DRC1: variants seen among roughly 807,000 people sequenced by gnomAD.
DRC1 encodes the protein dynein regulatory complex protein 1.
Under a neutral mutation model 98.7 loss-of-function variants are expected in DRC1, and 74 were observed. That is an observed-to-expected ratio of 0.75 (90% CI 0.62 to 0.91). The LOEUF is 0.91. Among genes scored for constraint, DRC1 ranks in the 40% least tolerant of loss-of-function variants. DRC1 has a pLI of 0.00. For missense variants in DRC1, 875 were observed against 886.0 expected (o/e 0.99, Z 0.16); for synonymous variants, 336 against 334.1 (o/e 1.01, Z -0.06).
intron 3 of DRC1, 33 bp from the exon 4 acceptor site, chr2:26,424,238 G>A: frequency 6.2e-7 from 1 of 1,612,286 alleles, no homozygotes; most frequent in Non-Finnish European, 8.5e-7. Flanking sequence ...ATCTGGAGCT[G>A]GGTTGGCATG....
chr2:26,417,344 C>G (rs1030336761), intron 2 of DRC1, among the ~76,000 whole-genome samples: 1 of 94,866 alleles, frequency 1.1e-5, no homozygotes, highest in Admixed American at 1.1e-4. Flanking sequence ...TTTTTTTTTT[C>G]TTCCGAAACA....
At chr2:26,428,480 T>A (rs1029311870) in intron 4 of DRC1, among the ~76,000 whole-genome samples, 11 of 152,184 alleles carry the variant, frequency 7.2e-5, no homozygotes, top group Non-Finnish European at 1.5e-4. Flanking sequence ...TATTTGTGTA[T>A]CTAAACAGAA....
chr2:26,440,638 A>G, intron 8 of DRC1, 121 bp downstream of exon 8: 1 of 1,280,420 alleles, frequency 7.8e-7, no homozygotes, highest in Non-Finnish European at 1.0e-6. Flanking sequence ...ACTTATTAAA[A>G]TAGTTTTTTG....
chr2:26,449,090 T>A (rs1299763383), intron 11 of DRC1, among the ~76,000 whole-genome samples: 1 of 152,256 alleles, frequency 6.6e-6, no homozygotes, highest in African/African-American at 2.4e-5. Flanking sequence ...AAAATGATGC[T>A]GCTTCTGAGA....
At chr2:26,425,698 T>C (rs1299057150) in intron 4 of DRC1, among the ~76,000 whole-genome samples, 1 of 152,212 alleles carries the variant, frequency 6.6e-6, no homozygotes, top group Admixed American at 6.5e-5. Context: ...TTCATGTGTT[T>C]ATTGGTCACT....
chr2:26,422,201 T>C (rs1663164364), intron 3 of DRC1, among the ~76,000 whole-genome samples: 1 of 152,100 alleles, frequency 6.6e-6, no homozygotes, highest in Admixed American at 6.5e-5. Flanking sequence ...TGAGATCACA[T>C]GATGTGCTTG....
chr2:26,411,603 A>C (rs189373782), intron 1 of DRC1, among the ~76,000 whole-genome samples: 1 of 152,232 alleles, frequency 6.6e-6, no homozygotes, highest in Non-Finnish European at 1.5e-5. Flanking sequence ...ATATCTGCAG[A>C]CTGGCCAACA....
chr2:26,450,706 A>G, intron 13 of DRC1, 25 bp downstream of exon 13: 1 of 1,545,514 alleles, frequency 6.5e-7, no homozygotes, highest in African/African-American at 1.4e-5. Context: ...AGAGAGAAGA[A>G]AGCATTTTCT....
chr2:26,455,218 G>C lies in DRC1; in HGVS notation c.2151G>C (p.Gln717His), dbSNP rs1488299246. The change falls in exon 16 of 17, where the codon CAG (glutamine) becomes CAC (histidine). Residue 717 changes from glutamine (Q) to histidine (H), a missense_variant. Gln to His is a conservative substitution (Grantham distance 24). Coordinates refer to ENST00000288710, the MANE Select transcript of DRC1 (RefSeq NM_145038.5). ...QNTELQALLQ[Q>H]YLNSKINSEL... ...CAGAGCTGCAGGCGCTACTGCAGCAGTATCTGAACTCCAAGGTGGGCGGCG... is the reference window on the plus strand; with the variant it reads ...CAGAGCTGCAGGCGCTACTGCAGCACTATCTGAACTCCAAGGTGGGCGGCG... 6.2e-7 allele frequency: 1 copy of C among 1,613,584 alleles called. No individual in the cohort carries two copies. Among genetic ancestry groups the C allele is most frequent in the Admixed American group, 1.7e-5 (1 of 60,014 alleles).
chr2:26,447,812 C>T (rs572498321), intron 10 of DRC1, among the ~76,000 whole-genome samples: 2 of 151,918 alleles, frequency 1.3e-5, no homozygotes, highest in East Asian at 4.0e-4. Context: ...AGTGATCCAC[C>T]TGCCTCAGCC....
At chr2:26,434,537 G>T (rs891933596) in intron 7 of DRC1, among the ~76,000 whole-genome samples, 2 of 152,146 alleles carry the variant, frequency 1.3e-5, no homozygotes, top group African/African-American at 4.8e-5. Flanking sequence ...TTTACATTGT[G>T]CAAAGCACAG....
intron 2 of DRC1, among the ~76,000 whole-genome samples, chr2:26,416,332 G>A (rs900334837): frequency 5.9e-5 from 9 of 151,956 alleles, no homozygotes; most frequent in Non-Finnish European, 1.3e-4. Context: ...GTAGAGACAG[G>A]GTTTTCCCCA....
chr2:26,433,505 G>A (rs1004589523), intron 7 of DRC1, among the ~76,000 whole-genome samples: 2 of 152,150 alleles, frequency 1.3e-5, no homozygotes, highest in Non-Finnish European at 2.9e-5. Context: ...TATTTCTGTG[G>A]GCTGTACATG....
chr2:26,416,178 A>T (rs1678796400), intron 2 of DRC1, among the ~76,000 whole-genome samples: 1 of 152,160 alleles, frequency 6.6e-6, no homozygotes, highest in African/African-American at 2.4e-5. Flanking sequence ...CTTCCTCAAG[A>T]TTAAGGCATT....
chr2:26,405,591 A>G (rs1174781844), intron 1 of DRC1, among the ~76,000 whole-genome samples: 1 of 150,864 alleles, frequency 6.6e-6, no homozygotes, highest in Non-Finnish European at 1.5e-5. Flanking sequence ...CAATTATATT[A>G]AGGAACTTTT....
At chr2:26,418,607 A>ATTT (rs1678912136) in intron 2 of DRC1, among the ~76,000 whole-genome samples, 1 of 100,958 alleles carries the variant, frequency 9.9e-6, no homozygotes, top group South Asian at 2.4e-4. Flanking sequence ...TATATAATAT[A>ATTT]TAAATTATAT....
chr2:26,447,182 A>G (rs1380701054), intron 10 of DRC1, among the ~76,000 whole-genome samples: 1 of 152,184 alleles, frequency 6.6e-6, no homozygotes, highest in Non-Finnish European at 1.5e-5. Context: ...TGGGAGGCCA[A>G]GATGGGCGGA....
intron 1 of DRC1, among the ~76,000 whole-genome samples, chr2:26,404,695 T>C (rs1446034914): frequency 1.3e-5 from 2 of 152,248 alleles, no homozygotes; most frequent in African/African-American, 4.8e-5. Flanking sequence ...GATGTCCTTT[T>C]GGCCTTCCCC....
At chr2:26,441,629 C>G (rs1663720257) in intron 8 of DRC1, among the ~76,000 whole-genome samples, 1 of 152,150 alleles carries the variant, frequency 6.6e-6, no homozygotes, top group Admixed American at 6.5e-5. Flanking sequence ...GAGGAGACTC[C>G]AGGTGGACAG....
Sources: allele counts gnomAD v4.1 joint callset (sites outside exome capture counted in the v4.1 genomes callset), GRCh38; gene constraint gnomAD v4.1.1; transcripts MANE v1.5; gene names NCBI Gene and HGNC (gene_info 2026-07-23, HGNC 2026-07-21).